DCHS2: variants seen among roughly 807,000 people sequenced by gnomAD.
DCHS2 encodes the protein dachsous cadherin-related 2, also known as protocadherin-23.
A neutral mutation model predicts 182.4 loss-of-function variants in DCHS2; 142 were observed. The ratio of observed to expected loss-of-function variants is 0.78; its 90% CI spans 0.68 to 0.89. The LOEUF (loss-of-function observed/expected upper bound fraction) is 0.89. DCHS2 is among the 40% of genes least tolerant of loss of function. DCHS2 has a pLI of 0.00. For synonymous variants in DCHS2, 1,740 were observed against 1,663.3 expected (o/e 1.05, Z -1.12); for missense variants, 4,319 against 4,198.6 (o/e 1.03, Z -0.79).
Position 154,320,989 on chromosome 4 carries a change from C to T in DCHS2, c.4410G>A (p.Glu1470=), listed in dbSNP as rs111286742. 37 of 1,614,000 alleles carry T rather than the reference C, an allele frequency of 2.3e-5. No individual in the cohort carries two copies. The African/African-American group carries it at 2.4e-4, about 10-fold the overall frequency. The part of the protein sequence containing the change: ...DLFLSKELDY[E]TTSHYLFRVI... The stretch of plus-strand genomic sequence containing the variant: ...CTCTGAAAAGATAATGAGATGTCGT[C>T]TCATAATCAAGTTCCTTAGAAAGAA... Residue 1470 remains glutamate, a synonymous_variant, in exon 9 of 20, where the codon GAG becomes GAA. Coordinates refer to ENST00000357232, the MANE Select transcript of DCHS2 (RefSeq NM_001358235.2).
In DCHS2 at chr4:154,366,235, G is replaced by A. The variant is rs1730347091; in HGVS notation, c.2451C>T (p.Ser817=). 2.5e-6 allele frequency: 4 copies of A among 1,613,498 alleles called. No individual in the cohort carries two copies. The highest frequency in any genetic ancestry group is 3.4e-6 in the Non-Finnish European group (4 of 1,179,802). The change falls in exon 3 of 20, where the codon TCC becomes TCT. Residue 817 remains serine, a synonymous_variant. Transcript: ENST00000357232. ...AYELIPGNVS[S]LFTIDSTTGI... is the part of the protein sequence containing the mutation. ...CTGTGGTGGAGTCAATGGTAAAAAGGGACGACACGTTTCCTGGAATAAGCT... is the reference window on the plus strand; with the variant it reads ...CTGTGGTGGAGTCAATGGTAAAAAGAGACGACACGTTTCCTGGAATAAGCT...
intron 3 of DCHS2, chr4:154,343,471 C>A: frequency 7.0e-7 from 1 of 1,438,162 alleles, no homozygotes; most frequent in Non-Finnish European, 9.2e-7. Flanking sequence ...TAACCACCTT[C>A]ACCAAGAATC....
intron 1 of DCHS2, among the ~76,000 whole-genome samples, chr4:154,429,084 C>A (rs1228178301): frequency 1.3e-5 from 2 of 152,040 alleles, no homozygotes; most frequent in Non-Finnish European, 2.9e-5. Context: ...TACAACCTGG[C>A]GATGGTTTAT....
chr4:154,388,704 C>T (rs1451251738), intron 1 of DCHS2, among the ~76,000 whole-genome samples: 3 of 151,940 alleles, frequency 2.0e-5, no homozygotes, highest in African/African-American at 4.8e-5. Context: ...CCGTGTTAGC[C>T]AGGATGGTCT....
At chr4:154,322,233 A>C in intron 8 of DCHS2, 98 bp downstream of exon 8, 2 of 1,433,064 alleles carry the variant, frequency 1.4e-6, no homozygotes, top group Admixed American at 3.8e-5. Flanking sequence ...ACATATTCAT[A>C]TACATACATA....
chr4:154,377,196 TAC>T, intron 2 of DCHS2, 55 bp downstream of exon 2: 1 of 1,505,952 alleles, frequency 6.6e-7, no homozygotes, highest in South Asian at 1.2e-5. Context: ...CTGTGATGTA[TAC>T]ACAGTGGCTC....
chr4:154,364,699 G>A (rs1207865915), intron 3 of DCHS2, among the ~76,000 whole-genome samples: 1 of 152,118 alleles, frequency 6.6e-6, no homozygotes, highest in African/African-American at 2.4e-5. Flanking sequence ...GGCTGGGTGA[G>A]AGGGCACACT....
intron 1 of DCHS2, among the ~76,000 whole-genome samples, chr4:154,380,016 C>G (rs185415601): frequency 6.6e-6 from 1 of 151,986 alleles, no homozygotes; most frequent in Admixed American, 6.6e-5. Context: ...TGGGTTAATT[C>G]GAGAGATACT....
intron 3 of DCHS2, among the ~76,000 whole-genome samples, chr4:154,353,799 A>T (rs1236420712): frequency 4.6e-5 from 7 of 152,204 alleles, no homozygotes; most frequent in Non-Finnish European, 1.0e-4. Context: ...TATTTGTAAA[A>T]ACAGAATTTC....
chr4:154,474,645 G>A (rs868742749), intron 1 of DCHS2, among the ~76,000 whole-genome samples: 9 of 152,176 alleles, frequency 5.9e-5, no homozygotes, highest in Middle Eastern at 6.8e-3. Flanking sequence ...AGTTGTTTCC[G>A]GGGAACCTGA....
chr4:154,273,057 A>G (rs1241932997), intron 13 of DCHS2, among the ~76,000 whole-genome samples: 1 of 152,128 alleles, frequency 6.6e-6, no homozygotes, highest in East Asian at 1.9e-4. Flanking sequence ...AAAGAACTAA[A>G]AGTAGATCTA....
intron 12 of DCHS2, among the ~76,000 whole-genome samples, chr4:154,299,372 G>T (rs17031402): frequency 6.6e-6 from 1 of 151,866 alleles, no homozygotes; most frequent in East Asian, 1.9e-4. Flanking sequence ...ATATTCCATC[G>T]TATCAAGTAG....
At chr4:154,251,636 A>G (rs1417745283) in intron 16 of DCHS2, among the ~76,000 whole-genome samples, 1 of 152,140 alleles carries the variant, frequency 6.6e-6, no homozygotes, top group Non-Finnish European at 1.5e-5. Context: ...CTCCTGCCTC[A>G]GCCTCCCGAG....
intron 18 of DCHS2, 99 bp downstream of exon 18, chr4:154,240,435 ATGC>A: frequency 7.2e-7 from 1 of 1,396,862 alleles, no homozygotes; most frequent in South Asian, 1.5e-5. Flanking sequence ...CAAACAGTGA[ATGC>A]TGTCTATCTG....
At chr4:154,304,086 G>A (rs1042436678) in intron 12 of DCHS2, among the ~76,000 whole-genome samples, 1 of 150,766 alleles carries the variant, frequency 6.6e-6, no homozygotes, top group African/African-American at 2.4e-5. Flanking sequence ...ATCCTTTAAC[G>A]GGACCTAGAT....
At chr4:154,462,445 G>C (rs1363241681) in intron 1 of DCHS2, among the ~76,000 whole-genome samples, 1 of 152,160 alleles carries the variant, frequency 6.6e-6, no homozygotes, top group African/African-American at 2.4e-5. Flanking sequence ...AGGTAAGAAA[G>C]ATGGCGTCAT....
At chr4:154,438,722 A>G (rs1733879865) in intron 1 of DCHS2, among the ~76,000 whole-genome samples, 1 of 152,214 alleles carries the variant, frequency 6.6e-6, no homozygotes, top group South Asian at 2.1e-4. Flanking sequence ...TAGTCGCTTT[A>G]TTCCTAAGTT....
rs545805318 is a variant in DCHS2 at position 154,263,126 on chromosome 4, ATAT to A, written c.6578-3373_6578-3371del. Among the ~76,000 whole-genome samples the A allele has an allele frequency of 1.7e-3, 264 of 152,292 alleles. 7 individuals are homozygous for A. In the South Asian group the frequency reaches 0.039, roughly 23 times the overall value. ...TAAGTTACTATAATCTTAGAGATAAATATTATTGATTTATTATACATATCAGTC... is the reference window on the plus strand; with the variant it reads ...TAAGTTACTATAATCTTAGAGATAAATATTGATTTATTATACATATCAGTC... On this transcript the variant is annotated intron_variant, in intron 14 of 19. Coordinates refer to ENST00000357232, the MANE Select transcript of DCHS2 (RefSeq NM_001358235.2).
chr4:154,282,049 A>C (rs1734171469), intron 13 of DCHS2, among the ~76,000 whole-genome samples: 1 of 152,146 alleles, frequency 6.6e-6, no homozygotes, highest in Non-Finnish European at 1.5e-5. Context: ...TAGAGACTTA[A>C]ATGTAAGAGC....
Sources: allele counts gnomAD v4.1 joint callset (sites outside exome capture counted in the v4.1 genomes callset), GRCh38; gene constraint gnomAD v4.1.1; transcripts MANE v1.5; gene names NCBI Gene and HGNC (gene_info 2026-07-23, HGNC 2026-07-21).